HNRNPC: variants seen among roughly 807,000 people sequenced by gnomAD.
The protein encoded by HNRNPC is heterogeneous nuclear ribonucleoprotein C, also known as heterogeneous nuclear ribonucleoproteins C1/C2.
A neutral mutation model predicts 33.2 loss-of-function variants in HNRNPC; 3 were observed. That is an observed-to-expected ratio of 0.09 (90% CI 0.04 to 0.23). The LOEUF (loss-of-function observed/expected upper bound fraction) is 0.23, where lower values mean the gene tolerates loss of function less well. Among genes scored for constraint, HNRNPC ranks in the 10% least tolerant of loss-of-function variants. HNRNPC has a pLI of 1.00. For missense variants in HNRNPC, 143 were observed against 366.7 expected, an observed-to-expected ratio of 0.39 and a Z score of 4.98; for synonymous variants, 121 against 126.7, an observed-to-expected ratio of 0.96 and a Z score of 0.30.
intron 2 of HNRNPC, among the ~76,000 whole-genome samples, chr14:21,244,891 C>T (rs894518454): frequency 3.3e-5 from 5 of 151,804 alleles, no homozygotes; most frequent in African/African-American, 1.2e-4. Flanking sequence ...TTGAGACCAA[C>T]CAGACCAATA....
At chr14:21,262,032 G>A (rs1337047742) in intron 2 of HNRNPC, among the ~76,000 whole-genome samples, 4 of 152,088 alleles carry the variant, frequency 2.6e-5, no homozygotes, top group African/African-American at 2.4e-5. Flanking sequence ...CTGTAAAAGG[G>A]GTCAGCCTTA....
chr14:21,252,725 T>C (rs943086101), intron 2 of HNRNPC, among the ~76,000 whole-genome samples: 13 of 152,130 alleles, frequency 8.5e-5, no homozygotes, highest in Non-Finnish European at 1.6e-4. Flanking sequence ...ACAGATGAAA[T>C]GTATCAAGAA....
chr14:21,267,082 C>T (rs34293304), intron 1 of HNRNPC, among the ~76,000 whole-genome samples: 51,790 of 130,032 alleles, frequency 0.4, 9,452 homozygotes, highest in Admixed American at 0.5. Flanking sequence ...GGCGACAGAG[C>T]GAGACTCCGT....
intron 5 of HNRNPC, among the ~76,000 whole-genome samples, chr14:21,225,620 T>C (rs764740013): frequency 9.9e-5 from 15 of 152,216 alleles, no homozygotes; most frequent in Non-Finnish European, 2.9e-5. Flanking sequence ...GTTTCATCTA[T>C]GTCTCTAACT....
chr14:21,269,256 G>C (rs1277120674), intron 1 of HNRNPC, 42 bp downstream of exon 1: 1 of 152,080 alleles, frequency 6.6e-6, no homozygotes, highest in Non-Finnish European at 1.5e-5. Context: ...CTCGCTTCCC[G>C]AAAAACCCAG....
intron 2 of HNRNPC, chr14:21,254,494 CTA>C (rs1181910571): frequency 6.6e-6 from 1 of 152,128 alleles, no homozygotes; most frequent in Non-Finnish European, 1.5e-5. Context: ...TAAAAATGTT[CTA>C]TGAGCATGTA....
At chr14:21,218,632 AGATCG>A (rs1892469201) in intron 5 of HNRNPC, among the ~76,000 whole-genome samples, 1 of 141,920 alleles carries the variant, frequency 7.0e-6, no homozygotes, top group Non-Finnish European at 1.5e-5. Flanking sequence ...CAGTAAGCCA[AGATCG>A]CACCACTGCA....
chr14:21,237,129 C>A (rs1022079157), intron 2 of HNRNPC, among the ~76,000 whole-genome samples: 3 of 152,176 alleles, frequency 2.0e-5, no homozygotes, highest in African/African-American at 7.2e-5. Flanking sequence ...TGTGAAGGTG[C>A]AAGAGCAGTT....
chr14:21,263,601 T>C (rs1055358598), intron 1 of HNRNPC: 3 of 151,938 alleles, frequency 2.0e-5, no homozygotes, highest in African/African-American at 7.3e-5. Flanking sequence ...AAAATAGAAA[T>C]AGAAATTTTA....
chr14:21,266,333 TC>T (rs1436982505), intron 1 of HNRNPC, among the ~76,000 whole-genome samples: 1 of 151,802 alleles, frequency 6.6e-6, no homozygotes, highest in East Asian at 1.9e-4. Flanking sequence ...ACTCCTGACC[TC>T]GTGATCCACC....
intron 2 of HNRNPC, chr14:21,234,883 T>C (rs1464506297): frequency 9.0e-6 from 1 of 111,284 alleles, no homozygotes; most frequent in Admixed American, 8.6e-5. Context: ...TACATAAGTA[T>C]CAATACCATC....
intron 2 of HNRNPC, among the ~76,000 whole-genome samples, chr14:21,257,524 T>C (rs1047814529): frequency 6.6e-6 from 1 of 152,128 alleles, no homozygotes; most frequent in Non-Finnish European, 1.5e-5. Context: ...AAATAATTTT[T>C]TTCTAACTGA....
intron 2 of HNRNPC, among the ~76,000 whole-genome samples, chr14:21,237,771 ATT>A (rs910725542): frequency 1.3e-5 from 2 of 149,648 alleles, no homozygotes; most frequent in African/African-American, 2.5e-5. Context: ...CCTTGATCAC[ATT>A]TTTTTTTTAA....
At chr14:21,241,218 C>T (rs1895298281) in intron 2 of HNRNPC, among the ~76,000 whole-genome samples, 1 of 150,226 alleles carries the variant, frequency 6.7e-6, no homozygotes, top group Admixed American at 6.6e-5. Flanking sequence ...GAGATTGCAC[C>T]CCTGCACTCC....
chr14:21,257,659 C>T (rs2138990343), intron 2 of HNRNPC, among the ~76,000 whole-genome samples: 1 of 152,184 alleles, frequency 6.6e-6, no homozygotes, highest in East Asian at 1.9e-4. Context: ...AATCATAACT[C>T]ACACTGACCT....
intron 5 of HNRNPC, among the ~76,000 whole-genome samples, chr14:21,229,165 CG>C (rs1893817195): frequency 6.6e-6 from 1 of 150,754 alleles, no homozygotes; most frequent in South Asian, 2.1e-4. Flanking sequence ...CCAAGACGGA[CG>C]GATCATGAGG....
chr14:21,223,576 T>A (rs1342350324), intron 5 of HNRNPC, among the ~76,000 whole-genome samples: 1 of 151,744 alleles, frequency 6.6e-6, no homozygotes, highest in Non-Finnish European at 1.5e-5. Flanking sequence ...TGACAAAACC[T>A]AATCTCTACT....
chr14:21,235,640 A>G (rs1894619145), intron 2 of HNRNPC, among the ~76,000 whole-genome samples: 1 of 152,190 alleles, frequency 6.6e-6, no homozygotes, highest in Non-Finnish European at 1.5e-5. Context: ...AAATCCACCA[A>G]CAGCCTTTCA....
intron 2 of HNRNPC, among the ~76,000 whole-genome samples, chr14:21,260,807 A>G (rs1241335524): frequency 1.3e-5 from 2 of 151,952 alleles, no homozygotes; most frequent in Non-Finnish European, 2.9e-5. Flanking sequence ...TACTAAAAAT[A>G]CAGAAATTAG....
Sources: gnomAD v4.1 joint callset for allele counts (sites outside exome capture counted in the v4.1 genomes callset) on GRCh38, gnomAD v4.1.1 for gene constraint, MANE v1.5 for transcripts, NCBI Gene and HGNC (gene_info 2026-07-23, HGNC 2026-07-21) for gene names.